The following TMEM163 variants were observed in gnomAD, a reference collection of about 807,000 sequenced individuals.
TMEM163 encodes transmembrane protein 163.
In TMEM163, 17 loss-of-function variants were observed where a neutral mutation model predicts 29.3. That is an observed-to-expected ratio of 0.58 (90% CI 0.40 to 0.87). The LOEUF is 0.87. Ranked by LOEUF, TMEM163 falls within the 40% of genes least tolerant of loss-of-function variation. The probability of loss-of-function intolerance (pLI) is 0.00; values close to 1 mark genes in which losing one functional copy is unlikely to be tolerated. For missense variants in TMEM163, 303 were observed against 381.5 expected (o/e 0.79, Z 1.71); for synonymous variants, 157 against 160.6 (o/e 0.98, Z 0.17).
At chr2:134,567,020 C>G (rs185039269) in intron 2 of TMEM163, among the ~76,000 whole-genome samples, 5 of 152,288 alleles carry the variant, frequency 3.3e-5, no homozygotes, top group Admixed American at 2.6e-4. Flanking sequence ...AGAAGCTACA[C>G]AAGAAATTCC....
At chr2:134,608,753 C>T (rs1682420593) in intron 2 of TMEM163, among the ~76,000 whole-genome samples, 1 of 50,420 alleles carries the variant, frequency 2.0e-5, no homozygotes, top group African/African-American at 7.6e-5. Context: ...AGGACAGACC[C>T]CGAGAACTGT....
chr2:134,499,220 AG>A (rs1156603711), intron 5 of TMEM163, among the ~76,000 whole-genome samples: 1 of 152,248 alleles, frequency 6.6e-6, no homozygotes, highest in Non-Finnish European at 1.5e-5. Flanking sequence ...GGGGAGGCAG[AG>A]GGTCAGTAGT....
chr2:134,529,434 G>T (rs923367800), intron 4 of TMEM163, among the ~76,000 whole-genome samples: 83 of 152,154 alleles, frequency 5.5e-4, no homozygotes, highest in African/African-American at 1.9e-3. Context: ...AGGATGAGGG[G>T]TGACTCTTCA....
intron 2 of TMEM163, among the ~76,000 whole-genome samples, chr2:134,683,894 G>T (rs1684301410): frequency 1.3e-5 from 2 of 152,162 alleles, no homozygotes; most frequent in African/African-American, 4.8e-5. Flanking sequence ...TTTAGCACTG[G>T]TGACTATGGA....
At position 134,457,226 on chromosome 2, in the gene TMEM163, T is replaced by C. The variant is rs1686419017; in HGVS notation, c.810-450A>G. 2.6e-5 allele frequency among the ~76,000 whole-genome samples: 4 copies of C among 152,304 alleles called. No individual in the cohort carries two copies. The South Asian group carries it at 8.3e-4, about 32-fold the overall frequency. On this transcript the variant is annotated intron_variant, in intron 7 of 7. Transcript: ENST00000281924. ...TTGTGTTGCTTCTGCGTTTTGCCTA[T>C]TGTGAATAACTCTGCTGTGAATTTC... is the stretch of plus-strand genomic sequence containing the variant.
intron 2 of TMEM163, among the ~76,000 whole-genome samples, chr2:134,554,240 T>G (rs978871930): frequency 3.3e-5 from 5 of 151,542 alleles, no homozygotes; most frequent in Non-Finnish European, 5.9e-5. Context: ...CTGGCCAACA[T>G]GAAGAAACCC....
At chr2:134,543,446 G>C (rs1468460811) in intron 4 of TMEM163, among the ~76,000 whole-genome samples, 1 of 152,236 alleles carries the variant, frequency 6.6e-6, no homozygotes, top group Non-Finnish European at 1.5e-5. Context: ...CACTAGACAA[G>C]TGTGGAATAA....
At chr2:134,510,839 G>T (rs911437793) in intron 4 of TMEM163, among the ~76,000 whole-genome samples, 6 of 152,152 alleles carry the variant, frequency 3.9e-5, no homozygotes, top group African/African-American at 1.4e-4. Context: ...GGGCTTCCAG[G>T]TTTCACATTT....
intron 2 of TMEM163, among the ~76,000 whole-genome samples, chr2:134,644,896 T>A (rs1438570371): frequency 6.6e-6 from 1 of 152,166 alleles, no homozygotes; most frequent in Non-Finnish European, 1.5e-5. Context: ...TCAGACTATA[T>A]TAAAAACTGT....
chr2:134,475,419 T>G (rs992762610), intron 5 of TMEM163, among the ~76,000 whole-genome samples: 2 of 152,160 alleles, frequency 1.3e-5, no homozygotes, highest in African/African-American at 4.8e-5. Context: ...AACTAAATTA[T>G]GTATGACCTT....
chr2:134,474,962 T>A lies in TMEM163; in HGVS notation c.556-8737A>T, dbSNP rs553708358. ...CCTAAGCCAAATCCCAGCAGGCTTT[T>A]TTAAAGAAATAAAAATGGACAAGTT... On this transcript the variant is annotated intron_variant, in intron 5 of 7. Transcript: ENST00000281924. 2.0e-5 allele frequency among the ~76,000 whole-genome samples: 3 copies of A among 152,286 alleles called. No homozygotes were observed. The East Asian group carries it at 5.8e-4, about 29-fold the overall frequency.
chr2:134,684,015 C>T (rs1299266343), intron 2 of TMEM163, among the ~76,000 whole-genome samples: 1 of 152,070 alleles, frequency 6.6e-6, no homozygotes, highest in African/African-American at 2.4e-5. Flanking sequence ...ATAATCACTG[C>T]CATTTATTTG....
intron 5 of TMEM163, among the ~76,000 whole-genome samples, chr2:134,502,328 C>T (rs1033078588): frequency 7.9e-5 from 12 of 152,116 alleles, no homozygotes; most frequent in African/African-American, 2.9e-4. Flanking sequence ...AAAAATATTT[C>T]TTTTCTCAGC....
chr2:134,497,682 C>G (rs1358312789), intron 5 of TMEM163, among the ~76,000 whole-genome samples: 1 of 152,220 alleles, frequency 6.6e-6, no homozygotes, highest in African/African-American at 2.4e-5. Context: ...TTGTGGAGTA[C>G]TGGGTACTGC....
At chr2:134,577,121 G>A (rs1268516750) in intron 2 of TMEM163, among the ~76,000 whole-genome samples, 1 of 152,142 alleles carries the variant, frequency 6.6e-6, no homozygotes, top group East Asian at 1.9e-4. Flanking sequence ...GACTCTTCTT[G>A]AACTTAATTA....
intron 4 of TMEM163, 140 bp from the exon 5 acceptor site, chr2:134,503,137 G>A (rs1679737293): frequency 4.1e-6 from 3 of 728,774 alleles, no homozygotes; most frequent in Non-Finnish European, 6.8e-6. Flanking sequence ...ACCACCCACA[G>A]TCCATGGATT....
chr2:134,479,948 T>C (rs1250927171), intron 5 of TMEM163, among the ~76,000 whole-genome samples: 1 of 152,226 alleles, frequency 6.6e-6, no homozygotes, highest in Non-Finnish European at 1.5e-5. Flanking sequence ...AGGATTCTCG[T>C]GCTGACCTGT....
At chr2:134,617,886 G>C (rs939861270) in intron 2 of TMEM163, among the ~76,000 whole-genome samples, 18 of 152,068 alleles carry the variant, frequency 1.2e-4, no homozygotes, top group African/African-American at 4.3e-4. Flanking sequence ...CAAGGTGGGA[G>C]GGGGGCTTGA....
chr2:134,547,443 A>G (rs980975903), intron 4 of TMEM163, among the ~76,000 whole-genome samples: 9 of 152,182 alleles, frequency 5.9e-5, no homozygotes, highest in African/African-American at 1.7e-4. Context: ...CAGTTCAAAA[A>G]AATAAAGGGA....
Sources: gnomAD v4.1 joint callset for allele counts (sites outside exome capture counted in the v4.1 genomes callset) on GRCh38, gnomAD v4.1.1 for gene constraint, MANE v1.5 for transcripts, NCBI Gene and HGNC (gene_info 2026-07-23, HGNC 2026-07-21) for gene names.